The following TNFAIP8L3 variants were observed in gnomAD, a reference collection of about 807,000 sequenced individuals.
TNFAIP8L3 encodes the protein TNF alpha induced protein 8 like 3.
Under a neutral mutation model 11.8 loss-of-function variants are expected in TNFAIP8L3, and 7 were observed. The ratio of observed to expected loss-of-function variants is 0.59; its 90% CI spans 0.34 to 1.11. TNFAIP8L3 has a LOEUF of 1.11. TNFAIP8L3 is among the 50% of genes most tolerant of loss of function. The pLI is 0.03. For synonymous variants in TNFAIP8L3, 98 were observed against 103.8 expected (o/e 0.94, Z 0.34); for missense variants, 219 against 258.6 (o/e 0.85, Z 1.05).
chr15:51,083,963 T>C (rs889977942), intron 1 of TNFAIP8L3, among the ~76,000 whole-genome samples: 1 of 152,242 alleles, frequency 6.6e-6, no homozygotes, highest in African/African-American at 2.4e-5. Flanking sequence ...GCAGCTCACT[T>C]GGCTATTGTT....
chr15:51,078,072 T>C (rs530836742), intron 1 of TNFAIP8L3, among the ~76,000 whole-genome samples: 8 of 152,164 alleles, frequency 5.3e-5, no homozygotes, highest in South Asian at 4.1e-4. Context: ...CTCAATAATA[T>C]ACATTTAAAC....
At chr15:51,101,264 T>C (rs1161519514) in intron 1 of TNFAIP8L3, among the ~76,000 whole-genome samples, 6 of 152,188 alleles carry the variant, frequency 3.9e-5, no homozygotes, top group Non-Finnish European at 2.9e-5. Flanking sequence ...TACCTCACTA[T>C]CCTCTGTTTG....
At chr15:51,096,555 T>G (rs1595621802), upstream of TNFAIP8L3, among the ~76,000 whole-genome samples, 1 of 152,296 alleles carries the variant, frequency 6.6e-6, no homozygotes, top group East Asian at 1.9e-4. Context: ...TGGATCCCAT[T>G]TAGAAAAACA....
intron 1 of TNFAIP8L3, among the ~76,000 whole-genome samples, chr15:51,070,343 A>C (rs1567289049): frequency 6.6e-6 from 1 of 152,238 alleles, no homozygotes; most frequent in Non-Finnish European, 1.5e-5. Context: ...CATTCCCCCA[A>C]ATCCCTTGCA....
chr15:51,097,421 G>A (rs1379405404), upstream of TNFAIP8L3, among the ~76,000 whole-genome samples: 1 of 152,200 alleles, frequency 6.6e-6, no homozygotes, highest in African/African-American at 2.4e-5. Flanking sequence ...GGGAGAGAAA[G>A]AACTGGTCAA....
At chr15:51,097,697 T>C (rs1178528893), upstream of TNFAIP8L3, among the ~76,000 whole-genome samples, 2 of 152,156 alleles carry the variant, frequency 1.3e-5, no homozygotes, top group South Asian at 2.1e-4. Context: ...ATGAGGAACA[T>C]TAGTGGAACA....
upstream of TNFAIP8L3, among the ~76,000 whole-genome samples, chr15:51,097,908 C>T (rs1036499966): frequency 6.6e-6 from 1 of 152,058 alleles, no homozygotes; most frequent in African/African-American, 2.4e-5. Flanking sequence ...TCTGTAGTTC[C>T]TCTGTATATT....
chr15:51,094,754 T>C lies in TNFAIP8L3; in HGVS notation c.-159A>G, dbSNP rs1261903211. On this transcript the variant is annotated 5_prime_UTR_variant, in exon 1 of 2. Coordinates refer to ENST00000637513, the MANE Select transcript of TNFAIP8L3 (RefSeq NM_001311175.2). This position sits in a 1 kb window ranked among gnomAD's most constrained non-coding sequence, Gnocchi z 4.4. ...GCGGCGGCAGCGGCCAGGGGGCGGC[T>C]CCGCAGAGGCGAGCGCCGCCGCGCC... 2 of 921,550 alleles carry C rather than the reference T, an allele frequency of 2.2e-6. No individual in the cohort carries two copies. The highest frequency in any genetic ancestry group is 2.5e-6 in the Non-Finnish European group (2 of 795,472). 57.1% of individuals were successfully genotyped at this position (921,550 alleles called of 1,614,324 possible).
chr15:51,095,348 C>G (rs919440295), upstream of TNFAIP8L3, among the ~76,000 whole-genome samples: 5 of 152,040 alleles, frequency 3.3e-5, no homozygotes, highest in African/African-American at 1.2e-4. Flanking sequence ...TGTGCGGGAC[C>G]GAGCGCTGGG....
Position 51,056,911 on chromosome 15 carries a change from A to G in TNFAIP8L3, c.*970T>C, listed in dbSNP as rs2065208635. On this transcript the variant is annotated 3_prime_UTR_variant, in exon 2 of 2. Coordinates refer to ENST00000637513, the MANE Select transcript of TNFAIP8L3 (RefSeq NM_001311175.2). The stretch of plus-strand genomic sequence containing the variant: ...ACCTCTTTTTAAAAAAATTATTATT[A>G]TTATTATTATTTTTTAGAGACAGAG... 1 of 150,770 alleles carries G rather than the reference A, an allele frequency of 6.6e-6. No individual in the cohort carries two copies. The highest frequency in any genetic ancestry group is 1.5e-5 in the Non-Finnish European group (1 of 67,938). The allele number at this position is 150,770 out of a possible 1,614,324, so 9.3% of individuals were successfully genotyped here. A position where few individuals can be genotyped will look rare whatever the true frequency, so the allele number is the denominator to read the frequency against.
Position 51,076,341 on chromosome 15 carries a change from C to T in TNFAIP8L3, c.53-17898G>A, listed in dbSNP as rs896960500. On this transcript the variant is annotated intron_variant, in intron 1 of 1. Transcript: ENST00000637513. ...TGGGACCGCTACTGTGATGGAACCA[C>T]TCTGAGTCCAGGGGGAATCCCATTC... Among the ~76,000 whole-genome samples, 34 of 152,280 alleles carry T rather than the reference C, an allele frequency of 2.2e-4. 1 individual carries two copies. The highest frequency in any genetic ancestry group is 7.2e-4 in the Admixed American group (11 of 15,296).
At chr15:51,061,775 T>G (rs2065243727) in intron 1 of TNFAIP8L3, among the ~76,000 whole-genome samples, 1 of 152,194 alleles carries the variant, frequency 6.6e-6, no homozygotes, top group South Asian at 2.1e-4. Context: ...AGTTATCATT[T>G]TAATTATTTT....
In TNFAIP8L3 at chr15:51,057,295, A is replaced by C. The variant is rs868359271; in HGVS notation, c.*586T>G. ...GATTTCACTTTGTCTGAAGCAGTGC[A>C]TTTAGAGAGAGATTGCAAACCCAGT... On this transcript the variant is annotated 3_prime_UTR_variant, in exon 2 of 2. Transcript: ENST00000637513. The C allele has an allele frequency of 1.3e-5, 2 of 152,262 alleles. No individual in the cohort carries two copies. The highest frequency in any genetic ancestry group is 2.9e-5 in the Non-Finnish European group (2 of 68,074). The allele number at this position is 152,262 out of a possible 1,614,324, so 9.4% of individuals were successfully genotyped here. A position where few individuals can be genotyped will look rare whatever the true frequency, so the allele number is the denominator to read the frequency against.
intron 1 of TNFAIP8L3, among the ~76,000 whole-genome samples, chr15:51,059,054 A>C (rs2065225563): frequency 6.6e-6 from 1 of 152,236 alleles, no homozygotes. Context: ...CTGTGTGCAC[A>C]TCAATTTACA....
At chr15:51,059,412 T>C (rs1413571524) in intron 1 of TNFAIP8L3, among the ~76,000 whole-genome samples, 1 of 152,230 alleles carries the variant, frequency 6.6e-6, no homozygotes, top group East Asian at 1.9e-4. Flanking sequence ...ATAGCGTATT[T>C]TTTTCTTAAG....
At chr15:51,081,309 G>A (rs1470020975) in intron 1 of TNFAIP8L3, among the ~76,000 whole-genome samples, 1 of 152,218 alleles carries the variant, frequency 6.6e-6, no homozygotes, top group Non-Finnish European at 1.5e-5. Flanking sequence ...TCTGGAGTGT[G>A]GACAAGATGG....
At chr15:51,101,557 G>T (rs1020570157) in intron 1 of TNFAIP8L3, among the ~76,000 whole-genome samples, 1 of 150,654 alleles carries the variant, frequency 6.6e-6, no homozygotes, top group African/African-American at 2.4e-5. Flanking sequence ...GGAGGTTGAG[G>T]TTGCAGTTAG....
intron 1 of TNFAIP8L3, among the ~76,000 whole-genome samples, chr15:51,079,855 C>CAAAAAAAAA (rs10602536): frequency 5.2e-5 from 4 of 77,608 alleles, no homozygotes; most frequent in Non-Finnish European, 7.2e-5. Flanking sequence ...GACTTTGTCT[C>CAAAAAAAAA]AAAAAAAAAA....
At chr15:51,068,741 AC>A (rs1490076623) in intron 1 of TNFAIP8L3, among the ~76,000 whole-genome samples, 1 of 141,354 alleles carries the variant, frequency 7.1e-6, no homozygotes, top group Non-Finnish European at 1.5e-5. Flanking sequence ...ATCTCAGCTC[AC>A]TGCAACCTCC....
Sources: allele counts gnomAD v4.1 joint callset (sites outside exome capture counted in the v4.1 genomes callset), GRCh38; gene constraint gnomAD v4.1.1; non-coding constraint Gnocchi (gnomAD v3.1); transcripts MANE v1.5; gene names NCBI Gene and HGNC (gene_info 2026-07-23, HGNC 2026-07-21).